The following COXFA4L3 variants were observed in gnomAD, a reference collection of about 807,000 sequenced individuals.
COXFA4L3 encodes the protein MIR147B host.
the COXFA4L3 span, chr15:45,433,201 T>C: frequency 4.9e-6 from 3 of 617,360 alleles, no homozygotes; most frequent in South Asian, 4.1e-5. Context: ...GTCTAAAAGT[T>C]TGTGCTTATT....
At chr15:45,430,715 G>A in the COXFA4L3 span, 1 of 1,384,522 alleles carries the variant, frequency 7.2e-7, no homozygotes, top group Non-Finnish European at 1.0e-6. Flanking sequence ...TGCGGAGCGC[G>A]GTGGACGGTT....
At chr15:45,432,579 T>C in the COXFA4L3 span, among the ~76,000 whole-genome samples, 1 of 152,154 alleles carries the variant, frequency 6.6e-6, no homozygotes, top group East Asian at 1.9e-4. Flanking sequence ...GCACGAAAAT[T>C]GCTTGAACAT....
chr15:45,431,055 G>A, the COXFA4L3 span: 2 of 1,613,986 alleles, frequency 1.2e-6, no homozygotes, highest in South Asian at 1.1e-5. Context: ...CTCATCTTTC[G>A]CTGTGTATTC....
chr15:45,430,644 C>T, the COXFA4L3 span: 1 of 671,132 alleles, frequency 1.5e-6, no homozygotes, highest in Non-Finnish European at 2.6e-6. Flanking sequence ...GTGCGCACCG[C>T]CCGGCGTCCA....
the COXFA4L3 span, chr15:45,432,934 T>C: frequency 6.3e-7 from 1 of 1,588,642 alleles, no homozygotes; most frequent in South Asian, 1.2e-5. Context: ...TTTTTTTTCC[T>C]TTTTTCTCTT....
the COXFA4L3 span, chr15:45,430,983 CCACCTGT>C: frequency 6.2e-7 from 1 of 1,611,930 alleles, no homozygotes; most frequent in Non-Finnish European, 8.5e-7. Context: ...TGTGTCCCCT[CCACCTGT>C]TATTTGTTAG....
the COXFA4L3 span, chr15:45,432,210 C>A: frequency 8.6e-7 from 1 of 1,166,230 alleles, no homozygotes; most frequent in South Asian, 1.4e-5. Flanking sequence ...GATTTAGTAC[C>A]TTACCCTTAT....
At chr15:45,432,093 A>G in the COXFA4L3 span, 1 of 1,613,566 alleles carries the variant, frequency 6.2e-7, no homozygotes, top group African/African-American at 1.3e-5. Context: ...AAAAAAATCC[A>G]GAACCTTGGG....
chr15:45,432,180 G>A, the COXFA4L3 span: 4 of 1,503,012 alleles, frequency 2.7e-6, no homozygotes, highest in South Asian at 1.2e-5. Context: ...CCAAACCTTA[G>A]CACCTTTGTG....
chr15:45,431,981 T>C, the COXFA4L3 span: 3 of 1,068,776 alleles, frequency 2.8e-6, no homozygotes, highest in Non-Finnish European at 1.4e-6. Flanking sequence ...AGTATGAGAC[T>C]GGTTTTGTCC....
chr15:45,432,135 A>G, the COXFA4L3 span: 1 of 1,611,066 alleles, frequency 6.2e-7, no homozygotes, highest in African/African-American at 1.3e-5. Context: ...CTCAAAAGGT[A>G]TTGTTAAATT....
the COXFA4L3 span, among the ~76,000 whole-genome samples, chr15:45,432,793 A>G: frequency 6.6e-6 from 1 of 152,214 alleles, no homozygotes; most frequent in Non-Finnish European, 1.5e-5. Flanking sequence ...TCACATTACT[A>G]TTTTGTGCAT....
At chr15:45,431,471 A>G in the COXFA4L3 span, 99 of 172,216 alleles carry the variant, frequency 5.7e-4, no homozygotes, top group African/African-American at 2.3e-3. Context: ...TGAAACAATC[A>G]TTTTAATTAA....
the COXFA4L3 span, chr15:45,430,803 T>G: frequency 4.3e-6 from 7 of 1,611,498 alleles, no homozygotes; most frequent in Non-Finnish European, 5.9e-6. Context: ...CATCATGAGC[T>G]TTTTCCAACT....
chr15:45,431,033 G>A, the COXFA4L3 span: 2 of 1,614,110 alleles, frequency 1.2e-6, no homozygotes, highest in East Asian at 4.5e-5. Flanking sequence ...TGACTGTGGC[G>A]GCGGGTGGAG....
chr15:45,431,203 G>A, the COXFA4L3 span: 16 of 721,184 alleles, frequency 2.2e-5, no homozygotes, highest in Admixed American at 4.9e-4. Flanking sequence ...ATTGTGAACT[G>A]GGAGTCAGGG....
At chr15:45,432,175 C>A in the COXFA4L3 span, 1 of 1,528,182 alleles carries the variant, frequency 6.5e-7, no homozygotes, top group Non-Finnish European at 9.0e-7. Flanking sequence ...TTTGCCCAAA[C>A]CTTAGCACCT....
chr15:45,431,241 C>A, the COXFA4L3 span: 1 of 512,074 alleles, frequency 2.0e-6, no homozygotes. Flanking sequence ...TCAGAAAACT[C>A]TTATGATATT....
chr15:45,431,834 C>G, the COXFA4L3 span, among the ~76,000 whole-genome samples: 4 of 152,154 alleles, frequency 2.6e-5, no homozygotes, highest in Non-Finnish European at 5.9e-5. Flanking sequence ...GCAGCCCAAT[C>G]AAGAGAATAC....
Sources: gnomAD v4.1 joint callset for allele counts (sites outside exome capture counted in the v4.1 genomes callset) on GRCh38, gnomAD v4.1.1 for gene constraint, MANE v1.5 for transcripts, NCBI Gene and HGNC (gene_info 2026-07-23, HGNC 2026-07-21) for gene names.